Variants in TRNT1 observed in about 807,000 individuals in gnomAD.
The protein encoded by TRNT1 is tRNA nucleotidyl transferase 1.
Under a neutral mutation model 45.6 loss-of-function variants are expected in TRNT1, and 44 were observed. That is an observed-to-expected ratio of 0.97 (90% CI 0.76 to 1.24). TRNT1 has a LOEUF of 1.24. Among genes scored for constraint, TRNT1 ranks in the 50% most tolerant of loss-of-function variants. The pLI is 0.00. For missense variants in TRNT1, 633 were observed against 504.4 expected, an observed-to-expected ratio of 1.25 and a Z score of -2.44; for synonymous variants, 201 against 171.4, an observed-to-expected ratio of 1.17 and a Z score of -1.35.
chr3:3,141,782 C>T (rs968127764), intron 4 of TRNT1, among the ~76,000 whole-genome samples: 2 of 152,192 alleles, frequency 1.3e-5, no homozygotes, highest in African/African-American at 4.8e-5. Flanking sequence ...GGATTTGCTT[C>T]ATGCATAGAT....
chr3:3,142,052 A>G (rs534341130), intron 4 of TRNT1, among the ~76,000 whole-genome samples: 1 of 152,330 alleles, frequency 6.6e-6, no homozygotes, highest in East Asian at 1.9e-4. Flanking sequence ...CCTAGGCAAT[A>G]TATGACCATA....
At chr3:3,151,275 C>G (rs1339151942), downstream of TRNT1, among the ~76,000 whole-genome samples, 2 of 152,176 alleles carry the variant, frequency 1.3e-5, no homozygotes, top group African/African-American at 2.4e-5. Context: ...CATTTTTCTT[C>G]TACTGCATAG....
downstream of TRNT1, chr3:3,151,092 C>T (rs761315014): frequency 2.2e-5 from 35 of 1,589,418 alleles, no homozygotes; most frequent in South Asian, 3.6e-4. Context: ...TTTCTGTACT[C>T]CAAGCCTATC....
downstream of TRNT1, chr3:3,150,563 G>A: frequency 4.4e-6 from 1 of 227,710 alleles, no homozygotes; most frequent in Non-Finnish European, 8.8e-6. Context: ...CATTTCCAAA[G>A]ATGTCTTCAT....
At position 3,148,219 on chromosome 3, in the gene TRNT1, T is replaced by G. The variant is rs946171529; in HGVS notation, c.*65T>G. Reference sequence around the variant, plus strand: ...CTAAATTTTCTCCCCTCCCTCTTAATGAGGTTTTAGAGACTACACCAGAAT... The same window carrying G: ...CTAAATTTTCTCCCCTCCCTCTTAAGGAGGTTTTAGAGACTACACCAGAAT... On this transcript the variant is annotated 3_prime_UTR_variant, in exon 8 of 8. Transcript: ENST00000251607. 3.2e-6 allele frequency: 5 copies of G among 1,564,236 alleles called. No individual in the cohort carries two copies. In the African/African-American group the frequency reaches 5.5e-5, roughly 17 times the overall value.
intron 4 of TRNT1, among the ~76,000 whole-genome samples, chr3:3,141,660 T>C (rs1412743170): frequency 6.6e-6 from 1 of 152,210 alleles, no homozygotes; most frequent in East Asian, 1.9e-4. Context: ...TGTTGTACTT[T>C]AAAGTTAAGA....
At chr3:3,152,009 A>G (rs929339544), downstream of TRNT1, among the ~76,000 whole-genome samples, 1 of 152,208 alleles carries the variant, frequency 6.6e-6, no homozygotes, top group African/African-American at 2.4e-5. Flanking sequence ...ACAGAAAAAA[A>G]CAATTTTGGA....
intron 2 of TRNT1, among the ~76,000 whole-genome samples, chr3:3,134,976 G>A (rs1705237825): frequency 6.6e-6 from 1 of 151,990 alleles, no homozygotes; most frequent in African/African-American, 2.4e-5. Flanking sequence ...TTTCCAACTG[G>A]GTAGTTACCT....
chr3:3,148,043 T>G lies in TRNT1; in HGVS notation c.1194T>G (p.Ile398Met). The change falls in exon 8 of 8, where the codon ATT becomes ATG. Residue 398 changes from isoleucine (I) to methionine (M), a missense_variant. Transcript: ENST00000251607. ...GCCATGACATCAGAAAAGTGGGCATTTCTTCAGGAAAAGAAATTGGGGCTC... is the reference window on the plus strand; with the variant it reads ...GCCATGACATCAGAAAAGTGGGCATGTCTTCAGGAAAAGAAATTGGGGCTC... Reference protein sequence around the residue: ...VSGHDIRKVGISSGKEIGALL... With the variant: ...VSGHDIRKVGMSSGKEIGALL... 6.2e-7 allele frequency: 1 copy of G among 1,613,984 alleles called. No homozygotes were observed. Among genetic ancestry groups the G allele is most frequent in the Non-Finnish European group, 8.5e-7 (1 of 1,179,892 alleles).
chr3:3,147,533 T>A lies in TRNT1; in HGVS notation c.886T>A (p.Leu296Met). The A allele has an allele frequency of 6.2e-7, 1 of 1,613,982 alleles. No individual in the cohort carries two copies. The highest frequency in any genetic ancestry group is 8.5e-7 in the Non-Finnish European group (1 of 1,179,874). The change falls in exon 7 of 8, where the codon TTG becomes ATG. Residue 296 changes from leucine to methionine, a missense_variant. Transcript: ENST00000251607. The stretch of plus-strand genomic sequence containing the variant: ...TTTTTCACCAAAGCCAGTGACTCTT[T>A]TGGCCTCATTATTCAAAGTACAAGA... Reference protein sequence around the residue: ...DGFSPKPVTLLASLFKVQDDV... With the variant: ...DGFSPKPVTLMASLFKVQDDV...
At chr3:3,130,436 G>A (rs1170793788) in intron 2 of TRNT1, 2 of 159,974 alleles carry the variant, frequency 1.3e-5, no homozygotes, top group African/African-American at 2.4e-5. Flanking sequence ...GGCTTTTTAG[G>A]TACGTGCCAG....
At chr3:3,143,669 G>A (rs1705802262) in intron 4 of TRNT1, among the ~76,000 whole-genome samples, 1 of 151,398 alleles carries the variant, frequency 6.6e-6, no homozygotes, top group Admixed American at 6.6e-5. Flanking sequence ...CTTGATGTCA[G>A]GAGTTCGAGA....
intron 2 of TRNT1, among the ~76,000 whole-genome samples, chr3:3,133,692 G>A (rs1044702692): frequency 6.6e-6 from 1 of 152,126 alleles, no homozygotes; most frequent in Non-Finnish European, 1.5e-5. Flanking sequence ...TTGTCCACAG[G>A]GGGTGATAGC....
chr3:3,147,700 AGATGTAAGTATAT>A lies in TRNT1; in HGVS notation c.1054_1056+10del, dbSNP rs1706139286. On this transcript the variant is annotated splice_donor_variant and splice_donor_5th_base_variant and coding_sequence_variant and intron_variant, in exon 7 of 8. Coordinates refer to ENST00000251607, the MANE Select transcript of TRNT1 (RefSeq NM_182916.3). LOFTEE classifies it high-confidence loss of function. ...TGAAACCCTATCAAGACTTCATTAT[AGATGTAAGTATAT>A]ACTAGGCTTGGTCAGAAATATGAAG... The A allele has an allele frequency of 1.2e-6, 2 of 1,609,122 alleles. No individual in the cohort carries two copies. Among genetic ancestry groups the A allele is most frequent in the Non-Finnish European group, 1.7e-6 (2 of 1,177,522 alleles).
At chr3:3,135,897 T>C (rs996364365) in intron 2 of TRNT1, among the ~76,000 whole-genome samples, 3 of 152,184 alleles carry the variant, frequency 2.0e-5, no homozygotes, top group African/African-American at 7.2e-5. Context: ...CCTGGAGGTA[T>C]ACTCAGTAAG....
rs1439000034 is a variant in TRNT1, at chr3:3,148,411, T to TATC, written c.*258_*260dup. 11 of 335,792 alleles carry TATC rather than the reference T, an allele frequency of 3.3e-5. No homozygotes were observed. The highest frequency in any genetic ancestry group is 5.6e-5 in the East Asian group (1 of 17,826). The allele number at this position is 335,792 out of a possible 1,614,324, so 20.8% of individuals were successfully genotyped here. On this transcript the variant is annotated 3_prime_UTR_variant, in exon 8 of 8. Transcript: ENST00000251607. ...TGAGAAAACATAGTTGGCTATTATC[T>TATC]ATCTTAACCTGTTCAGGCTTTTAAA...
chr3:3,151,811 G>T (rs1295607626), downstream of TRNT1, among the ~76,000 whole-genome samples: 1 of 122,538 alleles, frequency 8.2e-6, no homozygotes, highest in Non-Finnish European at 1.7e-5. Flanking sequence ...GGATCATAGA[G>T]AATCATTAAG....
At chr3:3,134,903 C>T (rs2126013082) in intron 2 of TRNT1, among the ~76,000 whole-genome samples, 1 of 152,098 alleles carries the variant, frequency 6.6e-6, no homozygotes, top group South Asian at 2.1e-4. Flanking sequence ...CCTAACCTTA[C>T]CTTCAGGTGA....
chr3:3,130,235 C>A, intron 2 of TRNT1: 1 of 397,602 alleles, frequency 2.5e-6, no homozygotes, highest in South Asian at 3.4e-5. Context: ...GCTTTTAAAG[C>A]ACACATGCTC....
Sources: allele counts gnomAD v4.1 joint callset (sites outside exome capture counted in the v4.1 genomes callset), GRCh38; gene constraint gnomAD v4.1.1; transcripts MANE v1.5; gene names NCBI Gene and HGNC (gene_info 2026-07-23, HGNC 2026-07-21).